The following OR6N1 variants were observed in gnomAD, a reference collection of about 807,000 sequenced individuals.
The protein encoded by OR6N1 is olfactory receptor 6N1.
For synonymous variants in OR6N1, 170 were observed against 150.7 expected (o/e 1.13, Z -0.94); for missense variants, 394 against 371.7 (o/e 1.06, Z -0.49).
the OR6N1 span, among the ~76,000 whole-genome samples, chr1:158,782,587 T>C: frequency 6.6e-6 from 1 of 152,174 alleles, no homozygotes; most frequent in Non-Finnish European, 1.5e-5. Flanking sequence ...TATTAGGCAA[T>C]TTTAGGTGAG....
the OR6N1 span, among the ~76,000 whole-genome samples, chr1:158,813,419 G>A: frequency 2.4e-4 from 36 of 152,016 alleles, no homozygotes; most frequent in Non-Finnish European, 4.9e-4. Flanking sequence ...AACAAACAAC[G>A]GAAAACCACA....
At chr1:158,808,143 T>C in the OR6N1 span, among the ~76,000 whole-genome samples, 1 of 136,024 alleles carries the variant, frequency 7.4e-6, no homozygotes, top group Admixed American at 7.4e-5. Context: ...TTTTTTTTTT[T>C]TTTTTTTTTT....
upstream of OR6N1, among the ~76,000 whole-genome samples, chr1:158,773,813 G>A (rs1018985343): frequency 9.9e-5 from 15 of 152,088 alleles, no homozygotes; most frequent in African/African-American, 3.6e-4. Flanking sequence ...TTATGTCTAT[G>A]TGTGTGTATG....
At chr1:158,816,929 C>T in the OR6N1 span, among the ~76,000 whole-genome samples, 2 of 152,188 alleles carry the variant, frequency 1.3e-5, no homozygotes, top group Non-Finnish European at 1.5e-5. Context: ...ACAAAGAGAA[C>T]GCGGCTGAGA....
the OR6N1 span, among the ~76,000 whole-genome samples, chr1:158,792,454 G>C: frequency 6.6e-6 from 1 of 151,978 alleles, no homozygotes. Context: ...CCTAGTGACT[G>C]TTTTCTTCAC....
At chr1:158,838,854 G>A in the OR6N1 span, among the ~76,000 whole-genome samples, 9 of 151,992 alleles carry the variant, frequency 5.9e-5, no homozygotes, top group Non-Finnish European at 1.2e-4. Flanking sequence ...TATTGGTGTG[G>A]GCTGAGGAAC....
the OR6N1 span, among the ~76,000 whole-genome samples, chr1:158,810,521 C>A: frequency 6.6e-6 from 1 of 152,168 alleles, no homozygotes; most frequent in South Asian, 2.1e-4. Flanking sequence ...TGCAGCAGAG[C>A]AGCTCTATGT....
chr1:158,810,561 C>T, the OR6N1 span, among the ~76,000 whole-genome samples: 1 of 152,160 alleles, frequency 6.6e-6, no homozygotes, highest in Non-Finnish European at 1.5e-5. Flanking sequence ...GTCTGCAACC[C>T]TCGCTGTGGA....
At chr1:158,785,444 C>G in the OR6N1 span, among the ~76,000 whole-genome samples, 1 of 152,114 alleles carries the variant, frequency 6.6e-6, no homozygotes, top group Non-Finnish European at 1.5e-5. Context: ...ACTCCTAGAT[C>G]CTTCTCTTGA....
At chr1:158,834,526 T>C in the OR6N1 span, among the ~76,000 whole-genome samples, 1 of 152,214 alleles carries the variant, frequency 6.6e-6, no homozygotes, top group Admixed American at 6.5e-5. Context: ...AAAGCACTCA[T>C]CAAATATATA....
chr1:158,783,477 C>T, the OR6N1 span, among the ~76,000 whole-genome samples: 3 of 152,348 alleles, frequency 2.0e-5, no homozygotes, highest in South Asian at 2.1e-4. Context: ...ATACATTCCT[C>T]TTCCTGTTCT....
chr1:158,801,542 G>T, the OR6N1 span, among the ~76,000 whole-genome samples: 1 of 152,138 alleles, frequency 6.6e-6, no homozygotes, highest in East Asian at 1.9e-4. Flanking sequence ...GGGCTGTAGC[G>T]CAACAGAAAA....
the OR6N1 span, among the ~76,000 whole-genome samples, chr1:158,802,270 C>T: frequency 2.2e-5 from 3 of 138,118 alleles, no homozygotes; most frequent in Middle Eastern, 4.6e-3. Flanking sequence ...TGCAGTGGAG[C>T]GATCTCGGCT....
chr1:158,780,148 A>G, the OR6N1 span, among the ~76,000 whole-genome samples: 1 of 152,184 alleles, frequency 6.6e-6, no homozygotes. Context: ...ACTTTCCCTA[A>G]TCCTGTTGAA....
At chr1:158,802,740 A>G in the OR6N1 span, among the ~76,000 whole-genome samples, 363 of 152,302 alleles carry the variant, frequency 2.4e-3, 4 homozygotes, top group Non-Finnish European at 3.8e-3. Flanking sequence ...TTGATGTTGA[A>G]TACCTAATAC....
At chr1:158,769,300 A>T (rs1445273713) in intron 1 of OR6N1, among the ~76,000 whole-genome samples, 1 of 152,028 alleles carries the variant, frequency 6.6e-6, no homozygotes, top group African/African-American at 2.4e-5. Flanking sequence ...AGTAGCTGGG[A>T]CTACAAACGT....
At chr1:158,810,269 C>T in the OR6N1 span, among the ~76,000 whole-genome samples, 1 of 152,110 alleles carries the variant, frequency 6.6e-6, no homozygotes, top group African/African-American at 2.4e-5. Context: ...TAGTTGTCTT[C>T]TTTGGCTACT....
the OR6N1 span, among the ~76,000 whole-genome samples, chr1:158,815,434 A>C: frequency 6.6e-6 from 1 of 152,162 alleles, no homozygotes; most frequent in African/African-American, 2.4e-5. Context: ...AGATGACTGC[A>C]ATGTAGGAAG....
At chr1:158,810,558 A>G in the OR6N1 span, among the ~76,000 whole-genome samples, 1 of 152,056 alleles carries the variant, frequency 6.6e-6, no homozygotes, top group Non-Finnish European at 1.5e-5. Flanking sequence ...CAAGTCTGCA[A>G]CCCTCGCTGT....
Sources: gnomAD v4.1 joint callset for allele counts (sites outside exome capture counted in the v4.1 genomes callset) on GRCh38, gnomAD v4.1.1 for gene constraint, MANE v1.5 for transcripts, NCBI Gene and HGNC (gene_info 2026-07-23, HGNC 2026-07-21) for gene names.